Variants in GLB1 observed in about 807,000 individuals in gnomAD.
The protein encoded by GLB1 is beta-galactosidase.
In GLB1, 56 loss-of-function variants were observed where a neutral mutation model predicts 74.0. That is an observed-to-expected ratio of 0.76 (90% confidence interval 0.61 to 0.94). The LOEUF (loss-of-function observed/expected upper bound fraction) is 0.94, where lower values mean the gene tolerates loss of function less well. Among genes scored for constraint, GLB1 ranks in the 40% least tolerant of loss-of-function variants. The probability of loss-of-function intolerance (pLI) is 0.00; values close to 1 mark genes in which losing one functional copy is unlikely to be tolerated. For missense variants in GLB1, 787 were observed against 845.5 expected (o/e 0.93, Z 0.86); for synonymous variants, 323 against 323.6 (o/e 1.00, Z 0.02).
At chr3:33,052,091 G>A in intron 7 of GLB1, 87 bp from the exon 8 acceptor site, 8 of 1,597,768 alleles carry the variant, frequency 5.0e-6, no homozygotes, top group South Asian at 1.1e-5. Context: ...TCTATGACAG[G>A]TGTAAAGGGG....
chr3:32,968,051 C>G, the GLB1 span, among the ~76,000 whole-genome samples: 2 of 152,212 alleles, frequency 1.3e-5, no homozygotes, highest in East Asian at 3.9e-4. Flanking sequence ...ACTTCGTGTC[C>G]CCACTAACAA....
At chr3:33,066,723 C>T (rs1317215824) in intron 4 of GLB1, among the ~76,000 whole-genome samples, 2 of 151,866 alleles carry the variant, frequency 1.3e-5, no homozygotes, top group African/African-American at 4.8e-5. Flanking sequence ...GCTTTTTTTC[C>T]GTATAAAATG....
chr3:33,087,697 A>G (rs1002647133), intron 1 of GLB1, among the ~76,000 whole-genome samples: 1 of 152,138 alleles, frequency 6.6e-6, no homozygotes, highest in Non-Finnish European at 1.5e-5. Flanking sequence ...AGAAGAATTA[A>G]TACCAATCCT....
intron 15 of GLB1, among the ~76,000 whole-genome samples, chr3:32,998,836 C>T (rs1696428003): frequency 6.6e-6 from 1 of 152,178 alleles, no homozygotes; most frequent in Non-Finnish European, 1.5e-5. Context: ...AACTCTGCTG[C>T]TCACCCCAGG....
intron 1 of GLB1, among the ~76,000 whole-genome samples, chr3:33,075,133 G>A (rs1700059733): frequency 6.6e-6 from 1 of 152,222 alleles, no homozygotes; most frequent in Non-Finnish European, 1.5e-5. Flanking sequence ...TACACCAGGT[G>A]TCTCAATGGA....
chr3:33,090,345 C>T (rs1216826471), intron 1 of GLB1: 1 of 956,068 alleles, frequency 1.0e-6, no homozygotes, highest in African/African-American at 1.8e-5. Context: ...CTTGTTAAAG[C>T]TGGGAGAGAG....
intron 5 of GLB1, among the ~76,000 whole-genome samples, chr3:33,060,230 G>C (rs1341759807): frequency 6.6e-6 from 1 of 152,178 alleles, no homozygotes; most frequent in Non-Finnish European, 1.5e-5. Context: ...TTCAGATTTG[G>C]GGTTCAAGAA....
chr3:33,005,443 T>TA (rs1188671526), intron 15 of GLB1, among the ~76,000 whole-genome samples: 1 of 152,246 alleles, frequency 6.6e-6, no homozygotes, highest in Non-Finnish European at 1.5e-5. Context: ...ACATATCTCT[T>TA]ACAGACTCTT....
chr3:33,024,908 T>C (rs918069304), intron 10 of GLB1, among the ~76,000 whole-genome samples: 7 of 151,820 alleles, frequency 4.6e-5, no homozygotes, highest in Admixed American at 6.6e-5. Context: ...GAGTAAAATG[T>C]TGACACAGAT....
At chr3:32,990,369 C>A in the GLB1 span, among the ~76,000 whole-genome samples, 1 of 152,168 alleles carries the variant, frequency 6.6e-6, no homozygotes, top group African/African-American at 2.4e-5. Flanking sequence ...CATTGTCTAC[C>A]CCTCACAAGC....
chr3:33,086,992 AC>A (rs1232898932), intron 1 of GLB1, among the ~76,000 whole-genome samples: 24 of 151,996 alleles, frequency 1.6e-4, no homozygotes, highest in African/African-American at 3.6e-4. Context: ...GGAAAAAAAA[AC>A]AGTTGGTTTT....
intron 1 of GLB1, chr3:33,096,518 G>A: frequency 1.0e-6 from 1 of 985,366 alleles, no homozygotes; most frequent in Non-Finnish European, 1.2e-6. Flanking sequence ...TGCACGAAGA[G>A]GGAGAGCACC....
chr3:33,040,469 A>G (rs766261434), intron 10 of GLB1, among the ~76,000 whole-genome samples: 3 of 152,094 alleles, frequency 2.0e-5, no homozygotes, highest in Non-Finnish European at 4.4e-5. Flanking sequence ...TAAATTAGCT[A>G]GGCATGGTGG....
rs7637099 is a variant in GLB1 at position 33,097,057 on chromosome 3, G to C, written c.29C>G (p.Pro10Arg). The C allele has an allele frequency of 3.1e-6, 5 of 1,612,158 alleles. No homozygotes were observed. In the African/African-American group the frequency reaches 5.3e-5, roughly 17 times the overall value. ...CAGAAGCAGCAGAACCAGCAACAGA[G>C]GGAGGATGCGAACCAGGAACCCCGG... MPGFLVRIL[P>R]LLLVLLLLGP... The change falls in exon 1 of 16, where the codon CCT (proline) becomes CGT (arginine). Residue 10 changes from proline to arginine, a missense_variant. Coordinates refer to ENST00000307363, the MANE Select transcript of GLB1 (RefSeq NM_000404.4).
the GLB1 span, among the ~76,000 whole-genome samples, chr3:32,964,725 T>G: frequency 6.6e-6 from 1 of 152,290 alleles, no homozygotes. Flanking sequence ...AAAACTTTGG[T>G]CCATAAAACG....
At chr3:32,998,077 T>C (rs1696389884) in intron 15 of GLB1, among the ~76,000 whole-genome samples, 1 of 152,214 alleles carries the variant, frequency 6.6e-6, no homozygotes, top group African/African-American at 2.4e-5. Context: ...GCAGAGGTGA[T>C]GCTATAGGTT....
chr3:32,988,630 C>T, the GLB1 span, among the ~76,000 whole-genome samples: 1 of 152,222 alleles, frequency 6.6e-6, no homozygotes, highest in Non-Finnish European at 1.5e-5. Context: ...CTGTCCTCCA[C>T]TTCTGTTTCC....
At chr3:32,991,438 TTTC>T in the GLB1 span, among the ~76,000 whole-genome samples, 1 of 152,166 alleles carries the variant, frequency 6.6e-6, no homozygotes, top group Non-Finnish European at 1.5e-5. Context: ...CATGTGATGA[TTTC>T]TTAAAAATGG....
intron 1 of GLB1, chr3:33,092,163 CT>C (rs1238307474): frequency 4.1e-6 from 4 of 985,578 alleles, no homozygotes; most frequent in East Asian, 1.1e-4. Context: ...TTCTTCTCCC[CT>C]GACCTTGCCC....
Sources: gnomAD v4.1 joint callset for allele counts (sites outside exome capture counted in the v4.1 genomes callset) on GRCh38, gnomAD v4.1.1 for gene constraint, MANE v1.5 for transcripts, NCBI Gene and HGNC (gene_info 2026-07-23, HGNC 2026-07-21) for gene names.